Variants in ARHGAP26 observed in about 807,000 individuals in gnomAD.
ARHGAP26 encodes the protein Rho GTPase activating protein 26, also known as rho GTPase-activating protein 26.
Under a neutral mutation model 104.8 loss-of-function variants are expected in ARHGAP26, and 38 were observed. That is an observed-to-expected ratio of 0.36 (90% CI 0.28 to 0.48). The LOEUF is 0.48. Among genes scored for constraint, ARHGAP26 ranks in the 20% least tolerant of loss-of-function variants. The probability of loss-of-function intolerance (pLI) is 0.99; values close to 1 mark genes in which losing one functional copy is unlikely to be tolerated. For missense variants in ARHGAP26, 704 were observed against 947.9 expected, an observed-to-expected ratio of 0.74 and a Z score of 3.38; for synonymous variants, 341 against 340.0, an observed-to-expected ratio of 1.00 and a Z score of -0.03.
chr5:142,927,377 A>G lies in ARHGAP26; in HGVS notation c.1029-4670A>G, dbSNP rs1215216044. On this transcript the variant is annotated intron_variant, in intron 10 of 22. Coordinates refer to ENST00000645722, the MANE Select transcript of ARHGAP26 (RefSeq NM_001135608.3). ...CTTCTGACTTCTGTTGCCATAGATG[A>G]GTTTTGCAAGTATTTGAACATCATA... Among the ~76,000 whole-genome samples, 3 of 151,430 alleles carry G rather than the reference A, an allele frequency of 2.0e-5. No individual in the cohort carries two copies. In the East Asian group the frequency reaches 5.8e-4, roughly 29 times the overall value.
chr5:143,132,584 T>C (rs1369610180), intron 18 of ARHGAP26, among the ~76,000 whole-genome samples: 2 of 152,112 alleles, frequency 1.3e-5, no homozygotes, highest in Non-Finnish European at 2.9e-5. Flanking sequence ...TGAAATTATA[T>C]GATACAAACA....
intron 1 of ARHGAP26, among the ~76,000 whole-genome samples, chr5:142,798,743 T>C (rs1292184078): frequency 6.6e-6 from 1 of 152,184 alleles, no homozygotes; most frequent in Non-Finnish European, 1.5e-5. Context: ...GGTGAACAGT[T>C]ATATATCCCT....
intron 10 of ARHGAP26, among the ~76,000 whole-genome samples, chr5:142,925,091 GA>G (rs11295663): frequency 0.47 from 71,940 of 151,962 alleles, 20,570 homozygotes; most frequent in East Asian, 0.91. Flanking sequence ...GTTTAAAACT[GA>G]AAAAAATCTT....
At chr5:142,942,715 A>G (rs1766540732) in intron 11 of ARHGAP26, among the ~76,000 whole-genome samples, 2 of 152,200 alleles carry the variant, frequency 1.3e-5, no homozygotes, top group African/African-American at 4.8e-5. Context: ...GGAATTATAC[A>G]TTGATTAGTG....
At chr5:143,048,305 C>T (rs537945681) in intron 14 of ARHGAP26, among the ~76,000 whole-genome samples, 16 of 152,114 alleles carry the variant, frequency 1.1e-4, no homozygotes, top group Admixed American at 8.5e-4. Context: ...CTTTCACCCA[C>T]GCTGGAATGC....
intron 21 of ARHGAP26, 22 bp from the exon 22 acceptor site, chr5:143,213,975 A>G (rs757487221): frequency 6.6e-7 from 1 of 1,515,560 alleles, no homozygotes; most frequent in Non-Finnish European, 9.1e-7. Flanking sequence ...AAAATGTTAA[A>G]TAAACTCCTG....
At chr5:143,219,453 A>C (rs1810853197) in intron 22 of ARHGAP26, among the ~76,000 whole-genome samples, 1 of 152,216 alleles carries the variant, frequency 6.6e-6, no homozygotes. Context: ...CTAGATAGAG[A>C]AGCAAAGCTT....
At chr5:142,805,248 A>G (rs1343386653) in intron 1 of ARHGAP26, among the ~76,000 whole-genome samples, 1 of 151,892 alleles carries the variant, frequency 6.6e-6, no homozygotes, top group Admixed American at 6.6e-5. Flanking sequence ...GATTACAAGC[A>G]TGTGCCACCA....
At chr5:143,042,642 C>T (rs576546675) in intron 14 of ARHGAP26, among the ~76,000 whole-genome samples, 80 of 152,334 alleles carry the variant, frequency 5.3e-4, no homozygotes, top group African/African-American at 1.9e-3. Flanking sequence ...CCATGGAAGC[C>T]CTGGCTTGTA....
intron 13 of ARHGAP26, 69 bp downstream of exon 13, chr5:143,037,330 T>C: frequency 7.5e-7 from 1 of 1,338,752 alleles, no homozygotes; most frequent in Admixed American, 1.9e-5. Flanking sequence ...TCAGACCTGC[T>C]ACCTGCTGTT....
chr5:142,870,827 GC>G (rs1054001648), intron 1 of ARHGAP26, among the ~76,000 whole-genome samples: 3 of 152,130 alleles, frequency 2.0e-5, no homozygotes, highest in African/African-American at 7.2e-5. Flanking sequence ...TGGGGTGGGG[GC>G]AAGGGGTTGG....
At chr5:143,147,629 G>A (rs1799323908) in intron 20 of ARHGAP26, 1 of 448,198 alleles carries the variant, frequency 2.2e-6, no homozygotes, top group Admixed American at 4.0e-5. Flanking sequence ...CTGCTGAGAT[G>A]GCTTTGGTGA....
intron 8 of ARHGAP26, among the ~76,000 whole-genome samples, chr5:142,904,750 T>G (rs1413972122): frequency 6.6e-6 from 1 of 152,144 alleles, no homozygotes; most frequent in Non-Finnish European, 1.5e-5. Context: ...TTTTCTTTAG[T>G]GGGTAATTCT....
intron 1 of ARHGAP26, among the ~76,000 whole-genome samples, chr5:142,783,008 C>A (rs1757826748): frequency 6.6e-6 from 1 of 152,182 alleles, no homozygotes; most frequent in Admixed American, 6.5e-5. Flanking sequence ...CCCCCGCCCC[C>A]ACTCCCTTCC....
At chr5:143,190,779 T>C (rs1805815574) in intron 20 of ARHGAP26, among the ~76,000 whole-genome samples, 2 of 152,212 alleles carry the variant, frequency 1.3e-5, no homozygotes, top group African/African-American at 4.8e-5. Context: ...AATAAAGAAC[T>C]TGTATCCAGA....
chr5:142,809,442 G>T (rs955711820), intron 1 of ARHGAP26, among the ~76,000 whole-genome samples: 2 of 152,120 alleles, frequency 1.3e-5, no homozygotes, highest in African/African-American at 4.8e-5. Context: ...TCCTGTTTTG[G>T]ACACTAGCAA....
chr5:143,032,188 A>G (rs1781975709), intron 12 of ARHGAP26, among the ~76,000 whole-genome samples: 1 of 152,194 alleles, frequency 6.6e-6, no homozygotes, highest in African/African-American at 2.4e-5. Flanking sequence ...TGGGAGGCCA[A>G]CCTGGATATT....
intron 1 of ARHGAP26, among the ~76,000 whole-genome samples, chr5:142,819,749 AT>A (rs1424441388): frequency 6.6e-6 from 1 of 152,254 alleles, no homozygotes; most frequent in Non-Finnish European, 1.5e-5. Context: ...TTTCACAATC[AT>A]TACATAGAAA....
intron 17 of ARHGAP26, among the ~76,000 whole-genome samples, chr5:143,089,611 C>T (rs1791110560): frequency 6.6e-6 from 1 of 152,224 alleles, no homozygotes; most frequent in Non-Finnish European, 1.5e-5. Context: ...AGCCATCTGG[C>T]TAGTGGCCCC....
Sources: allele counts gnomAD v4.1 joint callset (sites outside exome capture counted in the v4.1 genomes callset), GRCh38; gene constraint gnomAD v4.1.1; transcripts MANE v1.5; gene names NCBI Gene and HGNC (gene_info 2026-07-23, HGNC 2026-07-21).